Variants in RGS8 observed in about 807,000 individuals in gnomAD.
RGS8 encodes regulator of G protein signaling 8.
RGS8 carries 8 observed loss-of-function variants against 21.7 expected under a neutral mutation model. That is an observed-to-expected ratio of 0.37 (90% CI 0.22 to 0.66). RGS8 has a LOEUF of 0.66. RGS8 is among the 30% of genes least tolerant of loss of function. The probability of loss-of-function intolerance (pLI) is 0.59; values close to 1 mark genes in which losing one functional copy is unlikely to be tolerated. For synonymous variants in RGS8, 80 were observed against 83.6 expected, an observed-to-expected ratio of 0.96 and a Z score of 0.24; for missense variants, 157 against 217.9, an observed-to-expected ratio of 0.72 and a Z score of 1.76.
intron 6 of RGS8, among the ~76,000 whole-genome samples, chr1:182,647,439 C>G (rs549359614): frequency 6.6e-6 from 1 of 152,196 alleles, no homozygotes; most frequent in African/African-American, 2.4e-5. Flanking sequence ...AAAGACTTCT[C>G]GCATCCCAAG....
chr1:182,668,924 T>C (rs888911525), intron 3 of RGS8, among the ~76,000 whole-genome samples: 2 of 152,140 alleles, frequency 1.3e-5, no homozygotes, highest in African/African-American at 4.8e-5. Context: ...TTTCAGTGAG[T>C]TGGTTCATTC....
the RGS8 span, among the ~76,000 whole-genome samples, chr1:182,740,829 T>A: frequency 6.6e-6 from 1 of 152,038 alleles, no homozygotes; most frequent in Non-Finnish European, 1.5e-5. Context: ...CATTCAACCC[T>A]GAGTGGATAC....
the RGS8 span, among the ~76,000 whole-genome samples, chr1:182,718,445 G>A: frequency 2.6e-5 from 4 of 152,228 alleles, no homozygotes; most frequent in African/African-American, 9.7e-5. Flanking sequence ...ACTCCACAAG[G>A]CAGTGGCAGC....
chr1:182,739,040 C>T, the RGS8 span, among the ~76,000 whole-genome samples: 21 of 152,218 alleles, frequency 1.4e-4, no homozygotes, highest in African/African-American at 5.1e-4. Flanking sequence ...TCTCTCCTCA[C>T]CCCTGAAATA....
chr1:182,727,854 C>CA, the RGS8 span, among the ~76,000 whole-genome samples: 1 of 152,138 alleles, frequency 6.6e-6, no homozygotes, highest in East Asian at 1.9e-4. Flanking sequence ...AATAGTTTCA[C>CA]AATCATGTTA....
At chr1:182,655,483 C>T (rs1348872473) in intron 5 of RGS8, among the ~76,000 whole-genome samples, 4 of 152,206 alleles carry the variant, frequency 2.6e-5, no homozygotes, top group Admixed American at 1.3e-4. Flanking sequence ...AAGGCCGACT[C>T]GGCAGGGATG....
At chr1:182,641,990 T>G (rs1662487057), downstream of RGS8, 1 of 152,210 alleles carries the variant, frequency 6.6e-6, no homozygotes, top group Admixed American at 6.5e-5. Context: ...GTGACTCAGC[T>G]AATGCTACCG....
At chr1:182,726,831 C>T in the RGS8 span, among the ~76,000 whole-genome samples, 7 of 152,200 alleles carry the variant, frequency 4.6e-5, no homozygotes, top group East Asian at 1.3e-3. Context: ...GGAAGCTAGC[C>T]ACAACAGCCT....
chr1:182,741,245 C>G, the RGS8 span, among the ~76,000 whole-genome samples: 1 of 144,564 alleles, frequency 6.9e-6, no homozygotes, highest in Admixed American at 6.7e-5. Context: ...TCCTCACTTC[C>G]CAGTAGGCGC....
At chr1:182,678,391 T>C (rs1664437530) in intron 1 of RGS8, among the ~76,000 whole-genome samples, 1 of 152,234 alleles carries the variant, frequency 6.6e-6, no homozygotes, top group Non-Finnish European at 1.5e-5. Flanking sequence ...CATTTTCCAT[T>C]GTAAGTTTTT....
chr1:182,672,858 G>A, upstream of RGS8: 1 of 1,614,036 alleles, frequency 6.2e-7, no homozygotes, highest in Non-Finnish European at 8.5e-7. Context: ...GTTCCAGAAG[G>A]AGGACTCTCT....
the RGS8 span, among the ~76,000 whole-genome samples, chr1:182,735,000 A>G: frequency 6.6e-6 from 1 of 152,242 alleles, no homozygotes; most frequent in African/African-American, 2.4e-5. Context: ...TACAACCAGT[A>G]CTTGAAAGTA....
At chr1:182,680,069 G>A (rs991432619) in intron 1 of RGS8, among the ~76,000 whole-genome samples, 1 of 152,016 alleles carries the variant, frequency 6.6e-6, no homozygotes, top group Non-Finnish European at 1.5e-5. Flanking sequence ...ATGTCCTTAC[G>A]GTCCTGGTTC....
intron 5 of RGS8, among the ~76,000 whole-genome samples, chr1:182,654,278 A>G (rs1205244063): frequency 6.6e-6 from 1 of 152,234 alleles, no homozygotes; most frequent in East Asian, 1.9e-4. Context: ...TAAAAGAAGC[A>G]AAAGAATAGT....
intron 5 of RGS8, among the ~76,000 whole-genome samples, chr1:182,656,123 T>G (rs12409524): frequency 1.3e-4 from 20 of 152,240 alleles, no homozygotes; most frequent in African/African-American, 4.6e-4. Flanking sequence ...CTTAGCAAAG[T>G]GTGTTTTATA....
chr1:182,750,226 A>G, the RGS8 span, among the ~76,000 whole-genome samples: 1 of 152,202 alleles, frequency 6.6e-6, no homozygotes, highest in African/African-American at 2.4e-5. Flanking sequence ...CAAAACTGGA[A>G]CTGGTCAGTG....
the RGS8 span, among the ~76,000 whole-genome samples, chr1:182,730,316 T>G: frequency 6.6e-6 from 1 of 152,186 alleles, no homozygotes; most frequent in African/African-American, 2.4e-5. Flanking sequence ...AAACAACACT[T>G]TAGCCCATGC....
At chr1:182,740,561 T>G in the RGS8 span, among the ~76,000 whole-genome samples, 63 of 144,082 alleles carry the variant, frequency 4.4e-4, no homozygotes, top group African/African-American at 6.4e-4. Context: ...TTTTTTTTTT[T>G]TTTTTTTTTT....
chr1:182,688,774 C>T (rs1228423016), upstream of RGS8, among the ~76,000 whole-genome samples: 1 of 152,150 alleles, frequency 6.6e-6, no homozygotes, highest in African/African-American at 2.4e-5. Context: ...AATACAGTTG[C>T]CACTAGAAGC....
Sources: gnomAD v4.1 joint callset for allele counts (sites outside exome capture counted in the v4.1 genomes callset) on GRCh38, gnomAD v4.1.1 for gene constraint, MANE v1.5 for transcripts, NCBI Gene and HGNC (gene_info 2026-07-23, HGNC 2026-07-21) for gene names.